Variants in GDPD2 observed in about 807,000 individuals in gnomAD.
GDPD2 encodes glycerophosphodiester phosphodiesterase 3.
A neutral mutation model predicts 49.2 loss-of-function variants in GDPD2; 23 were observed. The ratio of observed to expected loss-of-function variants is 0.47; its 90% CI spans 0.34 to 0.66. The LOEUF (loss-of-function observed/expected upper bound fraction) is 0.66. GDPD2 is among the 30% of genes least tolerant of loss of function. GDPD2 has a pLI of 0.01. For missense variants in GDPD2, 338 were observed against 424.7 expected (o/e 0.80, Z 1.79); for synonymous variants, 167 against 171.4 (o/e 0.97, Z 0.20).
Position 70,425,079 on chromosome X carries a change from A to C in GDPD2, c.95A>C (p.Gln32Pro). 1 of 1,182,153 alleles carries C rather than the reference A, an allele frequency of 8.5e-7. No individual in the cohort carries two copies. The highest frequency in any genetic ancestry group is 1.1e-6 in the Non-Finnish European group (1 of 873,578). The change falls in exon 2 of 16, where the codon CAA becomes CCA. Residue 32 changes from glutamine to proline, a missense_variant. Gln to Pro is a moderately conservative substitution (Grantham distance 76, BLOSUM62 -1). This residue lies in a region of GDPD2 where 75 missense variants were observed against 67.6 expected (regional missense o/e 1.11). Coordinates refer to ENST00000374382, the MANE Select transcript of GDPD2 (RefSeq NM_017711.4). ...AGGAAATGCCCCAGAGAGAGGATGC[A>C]AACCAGCAAGGTGGAGTAGGGATGG... The part of the protein sequence containing the change: ...HWRKCPRERM[Q>P]TSKCDCIWFG...
rs749986540 is a variant in GDPD2 at position 70,425,263 on chromosome X, G to A, written c.106-91G>A. ...CCCCCCGAGCAGAGCAGCCCAACAC[G>A]GGGCAGGCAGCTCCCTTTAGCTGCC... On this transcript the variant is annotated intron_variant, in intron 2 of 15. Transcript: ENST00000374382. The A allele has an allele frequency of 2.0e-5, 14 of 702,227 alleles. No homozygotes were observed. In the Admixed American group the frequency reaches 2.5e-4, roughly 12 times the overall value. 57.9% of individuals were successfully genotyped at this position (702,227 alleles called of 1,213,427 possible). A position where few individuals can be genotyped will look rare whatever the true frequency, so the allele number is the denominator to read the frequency against.
rs776294717 is a variant in GDPD2 at position 70,432,291 on chromosome X, T to C, written c.1308-16T>C. ...ATGATTCTGGACATTCCCTATTTTCTTTCCCACCTTCACAGGGCATTGCAT... is the reference window on the plus strand; with the variant it reads ...ATGATTCTGGACATTCCCTATTTTCCTTCCCACCTTCACAGGGCATTGCAT... On this transcript the variant is annotated splice_polypyrimidine_tract_variant and intron_variant, in intron 12 of 15. Coordinates refer to ENST00000374382, the MANE Select transcript of GDPD2 (RefSeq NM_017711.4). 162 of 1,196,486 alleles carry C rather than the reference T, an allele frequency of 1.4e-4. No homozygotes were observed. In the South Asian group the frequency reaches 2.1e-3, roughly 15 times the overall value.
Position 70,432,331 on chromosome X carries a change from G to T in GDPD2, c.1332G>T (p.Ser444=). 8.3e-7 allele frequency: 1 copy of T among 1,207,634 alleles called. No homozygotes were observed. The highest frequency in any genetic ancestry group is 1.1e-6 in the Non-Finnish European group (1 of 892,287). The change falls in exon 13 of 16, where the codon TCG becomes TCT. Residue 444 remains serine, a synonymous_variant. Coordinates refer to ENST00000374382, the MANE Select transcript of GDPD2 (RefSeq NM_017711.4). ...GGGCATTGCATAAGGATAATGTCTC[G>T]GTGAACCTATTTGTAGTGAACAAGC... is the stretch of plus-strand genomic sequence containing the variant. ...DIKALHKDNV[S]VNLFVVNKPW...
In GDPD2 at chrX:70,432,602, A is replaced by G; in HGVS notation, c.1479A>G (p.Ile493Met). 1.7e-6 allele frequency: 2 copies of G among 1,202,441 alleles called. No homozygotes were observed. Among genetic ancestry groups the G allele is most frequent in the South Asian group, 1.8e-5 (1 of 56,668 alleles). ...WLITPQTYLI[I>M]WVITNCVSTM... ...AGACCCCTCAAACCTACCTAATCAT[A>G]TGGGTCATTACCAATTGTGTTTCCA... Residue 493 changes from isoleucine (I) to methionine (M), a missense_variant, in exon 14 of 16, where the codon ATA (isoleucine) becomes ATG (methionine). This residue lies in a region of GDPD2 where 253 missense variants were observed against 330.4 expected (regional missense o/e 0.77). Transcript: ENST00000374382.
At chrX:70,431,354 T>C (rs1034253145) in intron 12 of GDPD2, among the ~76,000 whole-genome samples, 20 of 112,437 alleles carry the variant, frequency 1.8e-4, no homozygotes, top group Admixed American at 1.4e-3. Flanking sequence ...GCACCAGGGA[T>C]AGATGGAAAG....
chrX:70,427,710 T>C lies in GDPD2; in HGVS notation c.936+247T>C, dbSNP rs762219016. On this transcript the variant is annotated intron_variant, in intron 10 of 15. Coordinates refer to ENST00000374382, the MANE Select transcript of GDPD2 (RefSeq NM_017711.4). ...TTCATACAGGAGAGGATGAAAGTCTTCTTCTAAGATGCACAAAGCAGGGAA... is the reference window on the plus strand; with the variant it reads ...TTCATACAGGAGAGGATGAAAGTCTCCTTCTAAGATGCACAAAGCAGGGAA... 9 of 301,824 alleles carry C rather than the reference T, an allele frequency of 3.0e-5. No individual in the cohort carries two copies. The Admixed American group carries it at 3.7e-4, about 12-fold the overall frequency. 24.9% of individuals were successfully genotyped at this position (301,824 alleles called of 1,213,427 possible).
chrX:70,432,553 C>T, intron 13 of GDPD2, 26 bp from the exon 14 acceptor site: 1 of 1,162,098 alleles, frequency 8.6e-7, no homozygotes, highest in Non-Finnish European at 1.2e-6. Flanking sequence ...ACATTCTACC[C>T]TTGGGGCCTT....
rs377017121 is a variant in GDPD2, at chrX:70,425,107, G to C, written c.105+18G>C. 16 of 1,092,573 alleles carry C rather than the reference G, an allele frequency of 1.5e-5. No individual in the cohort carries two copies. In the East Asian group the frequency reaches 2.5e-4, roughly 17 times the overall value. The allele number at this position is 1,092,573 out of a possible 1,213,427, so 90.0% of individuals were successfully genotyped here. A position where few individuals can be genotyped will look rare whatever the true frequency, so the allele number is the denominator to read the frequency against. ...CCAGCAAGGTGGAGTAGGGATGGAG[G>C]GGGGAGGCTGGAAGTCAGAAGGCAG... is the stretch of plus-strand genomic sequence containing the variant. On this transcript the variant is annotated intron_variant, in intron 2 of 15. Coordinates refer to ENST00000374382, the MANE Select transcript of GDPD2 (RefSeq NM_017711.4).
At chrX:70,428,679 G>C (rs1003561689) in intron 10 of GDPD2, among the ~76,000 whole-genome samples, 2 of 112,197 alleles carry the variant, frequency 1.8e-5, no homozygotes, top group Non-Finnish European at 3.8e-5. Flanking sequence ...GGATTTCTTA[G>C]TCTCTCTGTG....
rs1403414841 is a variant in GDPD2 at position 70,425,262 on chromosome X, C to T, written c.106-92C>T. 5 of 702,909 alleles carry T rather than the reference C, an allele frequency of 7.1e-6. No individual in the cohort carries two copies. The Admixed American group carries it at 9.0e-5, about 13-fold the overall frequency. 57.9% of individuals were successfully genotyped at this position (702,909 alleles called of 1,213,427 possible). ...GCCCCCCGAGCAGAGCAGCCCAACA[C>T]GGGGCAGGCAGCTCCCTTTAGCTGC... On this transcript the variant is annotated intron_variant, in intron 2 of 15. Transcript: ENST00000374382.
In GDPD2 at chrX:70,433,316, T is replaced by A. The variant is rs190631829; in HGVS notation, c.*230T>A. Reference sequence around the variant, plus strand: ...TGACCTGAGATGTTTGGGAAGAGAGTGAGTAATGAGAAGTTTCTCCTCAAA... The same window carrying A: ...TGACCTGAGATGTTTGGGAAGAGAGAGAGTAATGAGAAGTTTCTCCTCAAA... On this transcript the variant is annotated 3_prime_UTR_variant, in exon 16 of 16. Coordinates refer to ENST00000374382, the MANE Select transcript of GDPD2 (RefSeq NM_017711.4). 616 of 417,379 alleles carry A rather than the reference T, an allele frequency of 1.5e-3. 5 individuals are homozygous for A. The highest frequency in any genetic ancestry group is 0.013 in the African/African-American group (506 of 40,125). The allele number at this position is 417,379 out of a possible 1,213,427, so 34.4% of individuals were successfully genotyped here.
intron 10 of GDPD2, among the ~76,000 whole-genome samples, chrX:70,428,720 A>T: frequency 8.9e-6 from 1 of 112,376 alleles, no homozygotes; most frequent in East Asian, 2.8e-4. Context: ...CAATGGGAAT[A>T]ATAACAGTAC....
chrX:70,432,435 G>A lies in GDPD2; in HGVS notation c.1436G>A (p.Arg479His), dbSNP rs775518043. The A allele has an allele frequency of 2.5e-6, 3 of 1,208,772 alleles. No homozygotes were observed. Among genetic ancestry groups the A allele is most frequent in the South Asian group, 3.5e-5 (2 of 56,706 alleles). Residue 479 changes from arginine to histidine, a missense_variant, in exon 13 of 16, where the codon CGT becomes CAT. By Grantham distance (29) the Arg-to-His change is conservative (BLOSUM62 0). Transcript: ENST00000374382. ...TNDCQLLQQM[R>H]YPIWLITPQT... is the part of the protein sequence containing the mutation. ...GACTGCCAGCTGCTGCAGCAGATGC[G>A]TTACCCTATCTGGCTTATTGTAAGG... is the stretch of plus-strand genomic sequence containing the variant.
chrX:70,424,520 G>A (rs908117169), intron 1 of GDPD2, among the ~76,000 whole-genome samples: 4 of 111,858 alleles, frequency 3.6e-5, no homozygotes, highest in Admixed American at 9.5e-5. Context: ...TCCTGGGCTG[G>A]AAAGCAATTC....
Position 70,426,054 on chromosome X carries a change from C to A in GDPD2, c.306C>A (p.Val102=), listed in dbSNP as rs1036487006. The change falls in exon 5 of 16, where the codon GTC becomes GTA. Residue 102 remains valine, a splice_region_variant and synonymous_variant. Transcript: ENST00000374382. ...GTCCCACTGCTCTCTTCCTCTAGGT[C>A]CTGGCCCTGCTCCTGCGGCTTTGTA... The part of the protein sequence containing the change: ...LLVTYASLLL[V]LALLLRLCRQ... 1.7e-6 allele frequency: 2 copies of A among 1,205,115 alleles called. No homozygotes were observed. The highest frequency in any genetic ancestry group is 3.5e-5 in the African/African-American group (2 of 57,199).
At chrX:70,426,613 G>A (rs1405208962) in intron 6 of GDPD2, 35 bp from the exon 7 acceptor site, 1 of 1,111,657 alleles carries the variant, frequency 9.0e-7, no homozygotes, top group Non-Finnish European at 1.2e-6. Context: ...GAGGGGCACT[G>A]GAGAAGAGCC....
At position 70,433,379 on chromosome X, in the gene GDPD2, G is replaced by A; in HGVS notation, c.*293G>A. The A allele has an allele frequency of 2.7e-6, 1 of 371,350 alleles. No individual in the cohort carries two copies. Among genetic ancestry groups the A allele is most frequent in the Non-Finnish European group, 4.7e-6 (1 of 213,683 alleles). 30.6% of individuals were successfully genotyped at this position (371,350 alleles called of 1,213,427 possible). A position where few individuals can be genotyped will look rare whatever the true frequency, so the allele number is the denominator to read the frequency against. ...AGAGGAAGTAAAAGGGAGATTGCTC[G>A]GATAATGTCTCAGACTTGTGTGCAC... On this transcript the variant is annotated 3_prime_UTR_variant, in exon 16 of 16. Coordinates refer to ENST00000374382, the MANE Select transcript of GDPD2 (RefSeq NM_017711.4).
chrX:70,424,135 G>A (rs939790366), intron 1 of GDPD2, among the ~76,000 whole-genome samples: 2 of 111,273 alleles, frequency 1.8e-5, no homozygotes, highest in Admixed American at 9.5e-5. Context: ...ACCACACCCC[G>A]CATACACACC....
In GDPD2 at chrX:70,433,342, T is replaced by G; in HGVS notation, c.*256T>G. On this transcript the variant is annotated 3_prime_UTR_variant, in exon 16 of 16. Coordinates refer to ENST00000374382, the MANE Select transcript of GDPD2 (RefSeq NM_017711.4). Reference sequence around the variant, plus strand: ...GAGTAATGAGAAGTTTCTCCTCAAATGAAACTAGAACAGAGGAAGTAAAAG... The same window carrying G: ...GAGTAATGAGAAGTTTCTCCTCAAAGGAAACTAGAACAGAGGAAGTAAAAG... 2.4e-6 allele frequency: 1 copy of G among 413,164 alleles called. No homozygotes were observed. Among genetic ancestry groups the G allele is most frequent in the Non-Finnish European group, 4.2e-6 (1 of 237,874 alleles). The allele number at this position is 413,164 out of a possible 1,213,427, so 34.0% of individuals were successfully genotyped here. A position where few individuals can be genotyped will look rare whatever the true frequency, so the allele number is the denominator to read the frequency against.
Sources: gnomAD v4.1 joint callset for allele counts (sites outside exome capture counted in the v4.1 genomes callset) on GRCh38, gnomAD v4.1.1 for gene constraint, gnomAD v4.1.1 regional missense constraint, MANE v1.5 for transcripts, NCBI Gene and HGNC (gene_info 2026-07-23, HGNC 2026-07-21) for gene names.